The following LYST variants were observed in gnomAD, a reference collection of about 807,000 sequenced individuals.
The protein encoded by LYST is lysosomal trafficking regulator.
LYST carries 192 observed loss-of-function variants against 413.6 expected under a neutral mutation model. The ratio of observed to expected loss-of-function variants is 0.46; its 90% CI spans 0.41 to 0.52. The LOEUF (loss-of-function observed/expected upper bound fraction) is 0.52, where lower values mean the gene tolerates loss of function less well. LYST is among the 20% of genes least tolerant of loss of function. LYST has a pLI of 0.00. For synonymous variants in LYST, 1,525 were observed against 1,567.3 expected (o/e 0.97, Z 0.64); for missense variants, 3,815 against 4,499.9 (o/e 0.85, Z 4.35).
chr1:235,764,383 C>T (rs1176754424), intron 21 of LYST, among the ~76,000 whole-genome samples: 2 of 152,054 alleles, frequency 1.3e-5, no homozygotes, highest in Admixed American at 6.6e-5. Context: ...TATCCACAGT[C>T]CTTTTTCCAT....
chr1:235,787,475 A>G, intron 13 of LYST, 102 bp from the exon 14 acceptor site: 1 of 1,001,310 alleles, frequency 1.0e-6, no homozygotes, highest in Non-Finnish European at 1.5e-6. Context: ...TAAGATTAAA[A>G]ATCAGTTCTA....
chr1:235,661,167 A>T lies in LYST; in HGVS notation c.*1773T>A, dbSNP rs931852658. ...GAAGTATTTCAAACATATACATATT[A>T]GGTTTCATGCTGAATAAATAATCCC... On this transcript the variant is annotated 3_prime_UTR_variant, in exon 53 of 53. Transcript: ENST00000389793. The T allele has an allele frequency of 2.0e-5, 3 of 152,656 alleles. No individual in the cohort carries two copies. Among genetic ancestry groups the T allele is most frequent in the Non-Finnish European group, 2.9e-5 (2 of 68,038 alleles). The allele number at this position is 152,656 out of a possible 1,614,324, so 9.5% of individuals were successfully genotyped here.
chr1:235,715,637 A>G (rs894812809), intron 41 of LYST, among the ~76,000 whole-genome samples: 1 of 151,958 alleles, frequency 6.6e-6, no homozygotes, highest in African/African-American at 2.4e-5. Flanking sequence ...TGAGCACTCC[A>G]CCTCCTAACT....
intron 21 of LYST, among the ~76,000 whole-genome samples, chr1:235,765,416 T>G (rs1220678381): frequency 6.6e-6 from 1 of 152,202 alleles, no homozygotes. Context: ...ACTTATAGCC[T>G]TTGCTCAAAA....
At chr1:235,801,961 C>T (rs551012491) in intron 8 of LYST, among the ~76,000 whole-genome samples, 9 of 152,002 alleles carry the variant, frequency 5.9e-5, no homozygotes, top group Admixed American at 2.0e-4. Flanking sequence ...TTTGGGAGGC[C>T]GAGGCGGGTG....
chr1:235,844,326 G>C (rs1677549298), intron 1 of LYST, among the ~76,000 whole-genome samples: 1 of 152,108 alleles, frequency 6.6e-6, no homozygotes, highest in South Asian at 2.1e-4. Flanking sequence ...GAATAAACAT[G>C]AATAACTTAG....
At chr1:235,839,933 T>C (rs1677032416) in intron 1 of LYST, 1 of 152,188 alleles carries the variant, frequency 6.6e-6, no homozygotes, top group Non-Finnish European at 1.5e-5. Context: ...AATTGTTCAG[T>C]AGAGATACTG....
At chr1:235,690,199 C>A (rs963146054) in intron 47 of LYST, among the ~76,000 whole-genome samples, 2 of 152,194 alleles carry the variant, frequency 1.3e-5, no homozygotes, top group African/African-American at 4.8e-5. Context: ...TTACTGATGA[C>A]AGCAATGAGT....
chr1:235,765,977 GCAGCA>G (rs1668106397), intron 21 of LYST, 97 bp downstream of exon 21: 1 of 899,820 alleles, frequency 1.1e-6, no homozygotes, highest in Non-Finnish European at 1.9e-6. Context: ...TGTAATTAGA[GCAGCA>G]CAGAGGCCAT....
intron 13 of LYST, 111 bp downstream of exon 13, chr1:235,788,590 A>C (rs1670671600): frequency 1.0e-6 from 1 of 954,134 alleles, no homozygotes; most frequent in Admixed American, 2.0e-5. Context: ...TTTAAATGAG[A>C]CTTTTTGTTT....
At chr1:235,742,558 G>A (rs1453143239) in intron 30 of LYST, among the ~76,000 whole-genome samples, 1 of 142,616 alleles carries the variant, frequency 7.0e-6, no homozygotes, top group Non-Finnish European at 1.5e-5. Flanking sequence ...GGTTAAAATG[G>A]TAAATTTTAT....
At position 235,809,577 on chromosome 1, in the gene LYST, C is replaced by T; in HGVS notation, c.1241G>A (p.Cys414Tyr). 7 of 1,614,060 alleles carry T rather than the reference C, an allele frequency of 4.3e-6. No homozygotes were observed. Among genetic ancestry groups the T allele is most frequent in the Non-Finnish European group, 5.9e-6 (7 of 1,179,966 alleles). ...ATTTGAAGCTGCACTTTGAAGACAA[C>T]AGATCAGAATCTGAAGAACTCCTTC... ...LLEGVLQILI[C>Y]CLQSAASNPF... Residue 414 changes from cysteine to tyrosine, a missense_variant, in exon 5 of 53, where the codon TGT (cysteine) becomes TAT (tyrosine). Transcript: ENST00000389793. This position sits in a 1 kb window ranked among gnomAD's most constrained non-coding sequence, Gnocchi z 4.0.
rs578052367 is a variant in LYST at position 235,770,335 on chromosome 1, C to T, written c.5785-38G>A. 5 of 1,605,928 alleles carry T rather than the reference C, an allele frequency of 3.1e-6. No homozygotes were observed. The South Asian group carries it at 4.4e-5, about 14-fold the overall frequency. On this transcript the variant is annotated intron_variant, in intron 19 of 52. Coordinates refer to ENST00000389793, the MANE Select transcript of LYST (RefSeq NM_000081.4). ...ACACACACCAATAAGCACATACTTA[C>T]TGAAAAATATGCAGCATGCTTTTTG...
At chr1:235,739,274 T>G (rs1371603623) in intron 31 of LYST, among the ~76,000 whole-genome samples, 1 of 152,242 alleles carries the variant, frequency 6.6e-6, no homozygotes, top group African/African-American at 2.4e-5. Flanking sequence ...GAAATAGTTC[T>G]GACACCTCTA....
At chr1:235,747,538 A>G (rs1160118779) in intron 28 of LYST, among the ~76,000 whole-genome samples, 2 of 152,108 alleles carry the variant, frequency 1.3e-5, no homozygotes, top group Non-Finnish European at 2.9e-5. Context: ...TTGAGGCAAA[A>G]AAAAAAGAAA....
At position 235,802,193 on chromosome 1, in the gene LYST, CAAAAAA is replaced by C. The variant is rs35511208; in HGVS notation, c.3712+709_3712+714del. ...TGGGCGACAGAGCAAGACTCCATTT[CAAAAAA>C]AAAAAAAAAAAAAAAAAAAAACTAG... On this transcript the variant is annotated intron_variant, in intron 8 of 52. Transcript: ENST00000389793. Among the ~76,000 whole-genome samples the C allele has an allele frequency of 8.9e-5, 4 of 45,074 alleles. No individual in the cohort carries two copies. In the East Asian group the frequency reaches 2.4e-3, roughly 28 times the overall value. 29.6% of individuals were successfully genotyped at this position (45,074 alleles called of 152,430 possible). A position where few individuals can be genotyped will look rare whatever the true frequency, so the allele number is the denominator to read the frequency against.
chr1:235,842,310 A>C (rs1240245327), intron 1 of LYST, among the ~76,000 whole-genome samples: 1 of 151,922 alleles, frequency 6.6e-6, no homozygotes, highest in Non-Finnish European at 1.5e-5. Flanking sequence ...TGAAGAGTAC[A>C]CAATGTGGGA....
rs886046176 is a variant in LYST at position 235,759,109 on chromosome 1, T to C, written c.6744A>G (p.Leu2248=). 6.2e-7 allele frequency: 1 copy of C among 1,614,208 alleles called. No individual in the cohort carries two copies. Among genetic ancestry groups the C allele is most frequent in the Non-Finnish European group, 8.5e-7 (1 of 1,180,020 alleles). ...RSHSTIASLG[L]AFPSQNGSAA... ...CAGATCCGTTCTGTGAAGGAAAAGC[T>C]AGCCCAAGGCTTGCAATAGTGCTGT... The change falls in exon 23 of 53, where the codon CTA becomes CTG. Residue 2248 remains leucine, a synonymous_variant. Transcript: ENST00000389793.
intron 21 of LYST, among the ~76,000 whole-genome samples, chr1:235,764,796 C>A (rs544392368): frequency 3.2e-4 from 48 of 152,234 alleles, no homozygotes; most frequent in African/African-American, 1.1e-3. Flanking sequence ...AGCCACCGTG[C>A]CTGGCCCCAT....
Sources: allele counts gnomAD v4.1 joint callset (sites outside exome capture counted in the v4.1 genomes callset), GRCh38; gene constraint gnomAD v4.1.1; non-coding constraint Gnocchi (gnomAD v3.1); transcripts MANE v1.5; gene names NCBI Gene and HGNC (gene_info 2026-07-23, HGNC 2026-07-21).